The following ROS1 variants were observed in gnomAD, a reference collection of about 807,000 sequenced individuals.
The protein encoded by ROS1 is ROS proto-oncogene 1, receptor tyrosine kinase.
ROS1 carries 263 observed loss-of-function variants against 273.5 expected under a neutral mutation model. The observed-to-expected ratio is 0.96, with a 90% confidence interval of 0.87 to 1.06. The LOEUF (loss-of-function observed/expected upper bound fraction) is 1.06. Ranked by LOEUF, ROS1 falls within the 50% of genes least tolerant of loss-of-function variation. The pLI, the probability that ROS1 is intolerant of heterozygous loss-of-function variation, is 0.00. For missense variants in ROS1, 2,833 were observed against 2,751.1 expected (o/e 1.03, Z -0.67); for synonymous variants, 1,008 against 954.1 (o/e 1.06, Z -1.04).
At chr6:117,398,678 C>CAAAA (rs58864302) in intron 7 of ROS1, among the ~76,000 whole-genome samples, 6 of 59,434 alleles carry the variant, frequency 1.0e-4, no homozygotes, top group African/African-American at 3.5e-4. Flanking sequence ...GACCTTGTCT[C>CAAAA]AAAAAAAAAA....
In ROS1 at chr6:117,356,786, A is replaced by G. The variant is rs1247073213; in HGVS notation, c.3969T>C (p.Ser1323=). 6.2e-7 allele frequency: 1 copy of G among 1,614,182 alleles called. No individual in the cohort carries two copies. The highest frequency in any genetic ancestry group is 1.3e-5 in the African/African-American group (1 of 75,060). The change falls in exon 26 of 44, where the codon TCT becomes TCC. Residue 1323 remains serine (S), a synonymous_variant. Transcript: ENST00000368507. ...TTAACTCAAATTCAGTCACATTACA[A>G]GAACATTGATTCCTTTTGTTTTGTT... ...TNQQNKRNQC[S]CNVTEFELSG... is the part of the protein sequence containing the mutation.
At chr6:117,400,767 A>G (rs1302748175) in intron 7 of ROS1, among the ~76,000 whole-genome samples, 2 of 151,928 alleles carry the variant, frequency 1.3e-5, no homozygotes, top group Non-Finnish European at 2.9e-5. Context: ...TGACACCTTG[A>G]CCTTCTCCTT....
Position 117,326,091 on chromosome 6 carries a change from TTATATATATATATATATATA to T in ROS1, c.5539+113_5539+132del, listed in dbSNP as rs56113300. ...TAGTTTAATAGTTTGGATAATAAGA[TTATATATATATATATATATA>T]TATATATATATATATAGTCACCATT... is the stretch of plus-strand genomic sequence containing the variant. On this transcript the variant is annotated intron_variant, in intron 34 of 43. Transcript: ENST00000368507. 1.1e-4 allele frequency: 17 copies of T among 148,338 alleles called. 1 individual carries two copies. Among genetic ancestry groups the T allele is most frequent in the East Asian group, 3.8e-4 (3 of 7,940 alleles). 9.2% of individuals were successfully genotyped at this position (148,338 alleles called of 1,614,324 possible). A position where few individuals can be genotyped will look rare whatever the true frequency, so the allele number is the denominator to read the frequency against.
At chr6:117,406,001 T>G (rs1774368722) in intron 5 of ROS1, among the ~76,000 whole-genome samples, 1 of 152,068 alleles carries the variant, frequency 6.6e-6, no homozygotes, top group African/African-American at 2.4e-5. Context: ...AAAATAGCTA[T>G]TTTTGGCCAG....
intron 27 of ROS1, among the ~76,000 whole-genome samples, chr6:117,345,272 G>T (rs1778282685): frequency 6.6e-6 from 1 of 152,140 alleles, no homozygotes; most frequent in Non-Finnish European, 1.5e-5. Flanking sequence ...TTCCCCATCT[G>T]CCTAACCTTA....
chr6:117,367,056 G>A (rs1186658045), intron 18 of ROS1, among the ~76,000 whole-genome samples: 1 of 152,158 alleles, frequency 6.6e-6, no homozygotes, highest in Non-Finnish European at 1.5e-5. Context: ...TAATCATCCA[G>A]AAATGAAACC....
chr6:117,327,270 G>A (rs996390871), intron 33 of ROS1, among the ~76,000 whole-genome samples: 1 of 152,192 alleles, frequency 6.6e-6, no homozygotes, highest in African/African-American at 2.4e-5. Context: ...GGGAGCAGCA[G>A]GGCAGCAGAG....
Position 117,324,423 on chromosome 6 carries a change from T to A in ROS1, c.5540-8A>T, listed in dbSNP as rs1313764656. 1.6e-6 allele frequency: 2 copies of A among 1,263,396 alleles called. No individual in the cohort carries two copies. Among genetic ancestry groups the A allele is most frequent in the Middle Eastern group, 1.9e-4 (1 of 5,162 alleles). The allele number at this position is 1,263,396 out of a possible 1,614,324, so 78.3% of individuals were successfully genotyped here. A position where few individuals can be genotyped will look rare whatever the true frequency, so the allele number is the denominator to read the frequency against. ...CTGGTATCCAAAAATCATCTAATAA[T>A]ATAAATCAGAAAAAGAAATTAATTC... is the stretch of plus-strand genomic sequence containing the variant. On this transcript the variant is annotated splice_region_variant and splice_polypyrimidine_tract_variant and intron_variant, in intron 34 of 43. Transcript: ENST00000368507.
intron 25 of ROS1, among the ~76,000 whole-genome samples, 168 bp downstream of exon 25, chr6:117,357,636 T>TG (rs1353190972): frequency 1.3e-5 from 2 of 152,256 alleles, no homozygotes; most frequent in Admixed American, 6.5e-5. Context: ...TATTTGTAGT[T>TG]GTGCCTCCTA....
At chr6:117,359,140 C>T (rs111477875) in intron 24 of ROS1, among the ~76,000 whole-genome samples, 1,911 of 152,176 alleles carry the variant, frequency 0.013, 19 homozygotes, top group Non-Finnish European at 0.019. Context: ...ACCCCCTCAG[C>T]CTTCACCTGT....
chr6:117,338,887 G>A (rs765384502), intron 31 of ROS1, among the ~76,000 whole-genome samples: 5 of 152,096 alleles, frequency 3.3e-5, no homozygotes, highest in Admixed American at 6.6e-5. Context: ...GGGAGTGAGG[G>A]GGAGTGTGAG....
rs116811614 is a variant in ROS1, at chr6:117,309,274, A to G, written c.6417-346T>C. Among the ~76,000 whole-genome samples, 402 of 152,274 alleles carry G rather than the reference A, an allele frequency of 2.6e-3. 5 individuals are homozygous for G. The Middle Eastern group carries it at 0.027, about 10-fold the overall frequency. On this transcript the variant is annotated intron_variant, in intron 41 of 43. Coordinates refer to ENST00000368507, the MANE Select transcript of ROS1 (RefSeq NM_001378902.1). The stretch of plus-strand genomic sequence containing the variant: ...CACACATGCACATGCATGCACACAC[A>G]GAAACACGTGCACACACATACATGC...
chr6:117,406,337 T>C (rs564187705), intron 5 of ROS1, among the ~76,000 whole-genome samples: 1 of 152,286 alleles, frequency 6.6e-6, no homozygotes, highest in South Asian at 2.1e-4. Flanking sequence ...CATAGCATAC[T>C]CACCGATAAA....
Position 117,393,223 on chromosome 6 carries a change from C to T in ROS1, c.1289+1G>A, listed in dbSNP as rs1773208435. On this transcript the variant is annotated splice_donor_variant, in intron 12 of 43. Transcript: ENST00000368507. LOFTEE classifies it high-confidence loss of function. ...TTCATCTTTACAAGGCTAACACATA[C>T]CCATTGTATGAATCAGCCACAATTT... 4.6e-6 allele frequency: 7 copies of T among 1,522,282 alleles called. No homozygotes were observed. The highest frequency in any genetic ancestry group is 5.5e-6 in the Non-Finnish European group (6 of 1,096,696). The allele number at this position is 1,522,282 out of a possible 1,614,324, so 94.3% of individuals were successfully genotyped here. A position where few individuals can be genotyped will look rare whatever the true frequency, so the allele number is the denominator to read the frequency against.
At chr6:117,414,312 A>G (rs1038952433) in intron 4 of ROS1, among the ~76,000 whole-genome samples, 1 of 152,150 alleles carries the variant, frequency 6.6e-6, no homozygotes, top group Admixed American at 6.5e-5. Flanking sequence ...TATTATATAC[A>G]TGCACATAGA....
intron 5 of ROS1, among the ~76,000 whole-genome samples, chr6:117,409,345 G>A (rs1222961778): frequency 2.6e-5 from 4 of 152,084 alleles, no homozygotes; most frequent in Admixed American, 2.6e-4. Context: ...GACAAAATCT[G>A]GTCCTAAACA....
Position 117,351,517 on chromosome 6 carries a change from GCC to G in ROS1, c.4303+1471_4303+1472del, listed in dbSNP as rs1302116665. Reference sequence around the variant, plus strand: ...AAATGAAGCCCTCCTATGACAGGATGCCCCTCGAGTTTCTAACTCTCAGAGTT... The same window carrying G: ...AAATGAAGCCCTCCTATGACAGGATGCCTCGAGTTTCTAACTCTCAGAGTT... On this transcript the variant is annotated intron_variant, in intron 27 of 43. Transcript: ENST00000368507. 7.5e-4 allele frequency among the ~76,000 whole-genome samples: 114 copies of G among 152,238 alleles called. 1 individual carries two copies. Among genetic ancestry groups the G allele is most frequent in the African/African-American group, 2.7e-3 (111 of 41,546 alleles).
At chr6:117,365,444 T>G in intron 20 of ROS1, 137 bp downstream of exon 20, 1 of 821,676 alleles carries the variant, frequency 1.2e-6, no homozygotes, top group Non-Finnish European at 2.0e-6. Context: ...GGGAATAATC[T>G]TAATGACCAA....
intron 12 of ROS1, 49 bp from the exon 13 acceptor site, chr6:117,389,895 T>C: frequency 6.6e-7 from 1 of 1,520,130 alleles, no homozygotes; most frequent in Non-Finnish European, 8.9e-7. Flanking sequence ...CAAAGGTTGA[T>C]GAGTAACCTC....
Sources: gnomAD v4.1 joint callset for allele counts (sites outside exome capture counted in the v4.1 genomes callset) on GRCh38, gnomAD v4.1.1 for gene constraint, MANE v1.5 for transcripts, NCBI Gene and HGNC (gene_info 2026-07-23, HGNC 2026-07-21) for gene names.